DLG1: variants seen among roughly 807,000 people sequenced by gnomAD.
DLG1 encodes disks large homolog 1.
DLG1 carries 42 observed loss-of-function variants against 123.4 expected under a neutral mutation model. The ratio of observed to expected loss-of-function variants is 0.34; its 90% CI spans 0.27 to 0.44. The LOEUF is 0.44. Ranked by LOEUF, DLG1 falls within the 20% of genes least tolerant of loss-of-function variation. DLG1 has a pLI of 1.00. For missense variants in DLG1, 942 were observed against 1,082.6 expected (o/e 0.87, Z 1.82); for synonymous variants, 317 against 356.2 (o/e 0.89, Z 1.24).
intron 24 of DLG1, among the ~76,000 whole-genome samples, chr3:197,045,558 T>C (rs534517695): frequency 6.1e-5 from 9 of 148,714 alleles, no homozygotes; most frequent in Non-Finnish European, 1.0e-4. Flanking sequence ...CTGGGGAACA[T>C]AGTGAGACCC....
chr3:197,128,078 G>A (rs1036381435), intron 11 of DLG1, among the ~76,000 whole-genome samples: 1 of 152,142 alleles, frequency 6.6e-6, no homozygotes, highest in South Asian at 2.1e-4. Flanking sequence ...AATGCAGTTG[G>A]CCATATCCAC....
At chr3:197,152,637 C>T (rs866785624) in intron 5 of DLG1, among the ~76,000 whole-genome samples, 1 of 151,566 alleles carries the variant, frequency 6.6e-6, no homozygotes, top group Admixed American at 6.6e-5. Context: ...GTGGCAGGCG[C>T]CTGTAGTCCC....
Position 197,298,586 on chromosome 3 carries a change from G to C in DLG1, c.-82C>G. The C allele has an allele frequency of 2.5e-6, 1 of 398,358 alleles. No homozygotes were observed. The highest frequency in any genetic ancestry group is 4.4e-6 in the Non-Finnish European group (1 of 226,012). 24.7% of individuals were successfully genotyped at this position (398,358 alleles called of 1,614,324 possible). ...CAGTGCCGTTTCCAACTCCGCGGCA[G>C]AGACAGCGCCTGGCGACCCCGGGGG... On this transcript the variant is annotated 5_prime_UTR_variant, in exon 1 of 25. Coordinates refer to ENST00000667157, the MANE Select transcript of DLG1 (RefSeq NM_001366207.1).
At chr3:197,160,811 T>C (rs1798492602) in intron 5 of DLG1, among the ~76,000 whole-genome samples, 1 of 152,136 alleles carries the variant, frequency 6.6e-6, no homozygotes, top group South Asian at 2.1e-4. Flanking sequence ...CAAACATATG[T>C]TTACCCAGAT....
intron 5 of DLG1, among the ~76,000 whole-genome samples, chr3:197,150,467 T>C (rs749813905): frequency 6.6e-6 from 1 of 152,068 alleles, no homozygotes; most frequent in Non-Finnish European, 1.5e-5. Flanking sequence ...TTATTATGTA[T>C]ATGAAACTAA....
At chr3:197,178,888 G>A (rs549689781) in intron 5 of DLG1, among the ~76,000 whole-genome samples, 2 of 152,090 alleles carry the variant, frequency 1.3e-5, no homozygotes, top group Admixed American at 6.6e-5. Flanking sequence ...TATTATAGCA[G>A]GTGTACATCC....
In DLG1 at chr3:197,043,526, C is replaced by CAAACA. The variant is rs1721267246; in HGVS notation, c.*1092_*1096dup. On this transcript the variant is annotated 3_prime_UTR_variant, in exon 25 of 25. Coordinates refer to ENST00000667157, the MANE Select transcript of DLG1 (RefSeq NM_001366207.1). ...TTCAATTAATATTTAATTTAAAAAC[C>CAAACA]AAACAAAAAGTTAGGAGTAGGTGGC... 6.6e-6 allele frequency: 1 copy of CAAACA among 151,586 alleles called. No homozygotes were observed. The highest frequency in any genetic ancestry group is 2.4e-5 in the African/African-American group (1 of 41,270). The allele number at this position is 151,586 out of a possible 1,614,324, so 9.4% of individuals were successfully genotyped here. A position where few individuals can be genotyped will look rare whatever the true frequency, so the allele number is the denominator to read the frequency against.
At chr3:197,062,360 G>A (rs1370222227) in intron 22 of DLG1, among the ~76,000 whole-genome samples, 1 of 152,154 alleles carries the variant, frequency 6.6e-6, no homozygotes. Flanking sequence ...TTGAAGTATG[G>A]CTGCGACTGA....
chr3:197,063,680 T>C (rs1003961040), intron 22 of DLG1, among the ~76,000 whole-genome samples: 4 of 152,212 alleles, frequency 2.6e-5, no homozygotes, highest in Admixed American at 6.5e-5. Flanking sequence ...AATGAATAAA[T>C]ACCCTTTTGC....
intron 4 of DLG1, among the ~76,000 whole-genome samples, chr3:197,230,237 C>A (rs150418693): frequency 2.6e-5 from 4 of 152,048 alleles, no homozygotes; most frequent in African/African-American, 9.7e-5. Flanking sequence ...CTCAAAACTG[C>A]CTGTTTAGAT....
At chr3:197,139,238 A>G (rs906403521) in intron 8 of DLG1, among the ~76,000 whole-genome samples, 2 of 152,204 alleles carry the variant, frequency 1.3e-5, no homozygotes, top group African/African-American at 2.4e-5. Flanking sequence ...TAAACAAAAC[A>G]TAATTAAAAT....
intron 14 of DLG1, among the ~76,000 whole-genome samples, chr3:197,099,909 T>C (rs1158706367): frequency 6.6e-6 from 1 of 152,200 alleles, no homozygotes; most frequent in Non-Finnish European, 1.5e-5. Context: ...GGAGGATTAG[T>C]TCCAGAACCC....
intron 20 of DLG1, among the ~76,000 whole-genome samples, chr3:197,066,449 G>A (rs1739595397): frequency 6.6e-6 from 1 of 152,162 alleles, no homozygotes. Flanking sequence ...GGAAGATAGT[G>A]ATGCTAACAA....
chr3:197,172,865 G>A (rs1291912491), intron 5 of DLG1, among the ~76,000 whole-genome samples: 1 of 152,138 alleles, frequency 6.6e-6, no homozygotes, highest in Non-Finnish European at 1.5e-5. Flanking sequence ...ACATGTCTTG[G>A]TCAAGCATAT....
At chr3:197,140,055 T>C in intron 8 of DLG1, 85 bp downstream of exon 8, 1 of 1,448,142 alleles carries the variant, frequency 6.9e-7, no homozygotes, top group Non-Finnish European at 9.4e-7. Flanking sequence ...TCGTGTTTGT[T>C]ATTTGTATTT....
At chr3:197,118,377 A>G (rs1774444656) in intron 12 of DLG1, among the ~76,000 whole-genome samples, 1 of 152,198 alleles carries the variant, frequency 6.6e-6, no homozygotes, top group Non-Finnish European at 1.5e-5. Flanking sequence ...TCACAAACAA[A>G]TAAGAACACT....
intron 3 of DLG1, among the ~76,000 whole-genome samples, chr3:197,290,138 G>T (rs2151230009): frequency 6.6e-6 from 1 of 152,156 alleles, no homozygotes; most frequent in East Asian, 1.9e-4. Flanking sequence ...TGTCATTAAG[G>T]ATGGTAATAA....
At chr3:197,267,200 T>A (rs1762038703) in intron 4 of DLG1, among the ~76,000 whole-genome samples, 2 of 152,130 alleles carry the variant, frequency 1.3e-5, no homozygotes, top group Admixed American at 6.5e-5. Flanking sequence ...ATTAAAATAT[T>A]TTTTTAAAAA....
intron 14 of DLG1, among the ~76,000 whole-genome samples, chr3:197,102,888 T>C (rs1168040486): frequency 6.6e-6 from 1 of 152,178 alleles, no homozygotes; most frequent in Admixed American, 6.5e-5. Flanking sequence ...CTTATTACTT[T>C]GCTAGATTTT....
Sources: allele counts gnomAD v4.1 joint callset (sites outside exome capture counted in the v4.1 genomes callset), GRCh38; gene constraint gnomAD v4.1.1; transcripts MANE v1.5; gene names NCBI Gene and HGNC (gene_info 2026-07-23, HGNC 2026-07-21).